Variants in CFAP299 observed in about 807,000 individuals in gnomAD.
CFAP299 encodes the protein cilia- and flagella-associated protein 299.
Under a neutral mutation model 27.0 loss-of-function variants are expected in CFAP299, and 21 were observed. The ratio of observed to expected loss-of-function variants is 0.78; its 90% CI spans 0.55 to 1.12. CFAP299 has a LOEUF of 1.12. CFAP299 is among the 50% of genes most tolerant of loss of function. The probability of loss-of-function intolerance (pLI) is 0.00; values close to 1 mark genes in which losing one functional copy is unlikely to be tolerated. For synonymous variants in CFAP299, 104 were observed against 98.1 expected (o/e 1.06, Z -0.36); for missense variants, 310 against 276.6 (o/e 1.12, Z -0.86).
chr4:80,406,492 G>A (rs1341735445), intron 2 of CFAP299, among the ~76,000 whole-genome samples: 1 of 152,124 alleles, frequency 6.6e-6, no homozygotes, highest in Non-Finnish European at 1.5e-5. Flanking sequence ...AGCCACCAAA[G>A]TAGCTGGGAC....
intron 3 of CFAP299, among the ~76,000 whole-genome samples, chr4:80,642,786 A>T (rs917998194): frequency 6.6e-6 from 1 of 151,938 alleles, no homozygotes; most frequent in African/African-American, 2.4e-5. Flanking sequence ...AAAGTAAAAA[A>T]TTTTTTTCAG....
chr4:80,552,730 C>G (rs988366983), intron 2 of CFAP299, among the ~76,000 whole-genome samples: 1 of 152,162 alleles, frequency 6.6e-6, no homozygotes, highest in Non-Finnish European at 1.5e-5. Flanking sequence ...CTCTGTCACT[C>G]AGGCTAGAGC....
At chr4:80,927,382 A>G (rs960935218) in intron 4 of CFAP299, among the ~76,000 whole-genome samples, 8 of 152,064 alleles carry the variant, frequency 5.3e-5, no homozygotes, top group African/African-American at 1.9e-4. Context: ...TTCCTCTTCA[A>G]CATGCTCCCT....
chr4:80,512,028 C>T lies in CFAP299; in HGVS notation c.243-71065C>T, dbSNP rs544394379. Among the ~76,000 whole-genome samples, 88 of 151,988 alleles carry T rather than the reference C, an allele frequency of 5.8e-4. 1 individual carries two copies. Among genetic ancestry groups the T allele is most frequent in the African/African-American group, 2.0e-3 (82 of 41,436 alleles). The stretch of plus-strand genomic sequence containing the variant: ...TTTTTTTAAACAAGGGTCTCCTGGC[C>T]CCCGCCTTAAATGCTTTCAGTAACT... On this transcript the variant is annotated intron_variant, in intron 2 of 5. Coordinates refer to ENST00000358105, the MANE Select transcript of CFAP299 (RefSeq NM_152770.3).
At position 80,367,377 on chromosome 4, in the gene CFAP299, G is replaced by T. The variant is rs760056871; in HGVS notation, c.242+4493G>T. Among the ~76,000 whole-genome samples, 21 of 152,274 alleles carry T rather than the reference G, an allele frequency of 1.4e-4. No homozygotes were observed. In the Middle Eastern group the frequency reaches 0.014, roughly 99 times the overall value. On this transcript the variant is annotated intron_variant, in intron 2 of 5. Transcript: ENST00000358105. ...ATTGATTCTTAAAGGCTCAATTAGAGTTAATCAGGCAAAGAGTGGTGTGAG... is the reference window on the plus strand; with the variant it reads ...ATTGATTCTTAAAGGCTCAATTAGATTTAATCAGGCAAAGAGTGGTGTGAG...
At chr4:80,699,269 A>G (rs1436178496) in intron 3 of CFAP299, among the ~76,000 whole-genome samples, 1 of 152,110 alleles carries the variant, frequency 6.6e-6, no homozygotes, top group Non-Finnish European at 1.5e-5. Flanking sequence ...CACTTGCTTT[A>G]TTGGGCATAG....
At chr4:80,395,643 T>C (rs1725739010) in intron 2 of CFAP299, among the ~76,000 whole-genome samples, 1 of 152,114 alleles carries the variant, frequency 6.6e-6, no homozygotes, top group Non-Finnish European at 1.5e-5. Context: ...GTTTAATGAG[T>C]CCTAACTTGA....
intron 5 of CFAP299, among the ~76,000 whole-genome samples, chr4:80,960,303 A>G (rs1451591092): frequency 6.6e-6 from 1 of 151,864 alleles, no homozygotes; most frequent in Non-Finnish European, 1.5e-5. Context: ...TGTCACTGCA[A>G]TTTTCAGGGG....
intron 3 of CFAP299, among the ~76,000 whole-genome samples, chr4:80,682,914 G>A (rs1719932602): frequency 6.6e-6 from 1 of 152,044 alleles, no homozygotes; most frequent in Admixed American, 6.6e-5. Context: ...TGAACAGATT[G>A]GTACCAAGCA....
intron 2 of CFAP299, chr4:80,387,050 G>C: frequency 1.4e-6 from 2 of 1,394,892 alleles, no homozygotes. Flanking sequence ...ACACCTTCTA[G>C]CAGTGTGGGC....
chr4:80,342,448 C>G (rs910162317), intron 1 of CFAP299, among the ~76,000 whole-genome samples: 6 of 152,106 alleles, frequency 3.9e-5, no homozygotes, highest in African/African-American at 1.4e-4. Flanking sequence ...AAAGGGAAAC[C>G]TATTAGACTG....
intron 3 of CFAP299, among the ~76,000 whole-genome samples, chr4:80,712,724 A>G (rs1722247313): frequency 6.6e-6 from 1 of 152,198 alleles, no homozygotes; most frequent in Non-Finnish European, 1.5e-5. Context: ...CTTCGATAAT[A>G]GCTGGATTAA....
At chr4:80,954,057 A>G (rs1027412137) in intron 5 of CFAP299, among the ~76,000 whole-genome samples, 1 of 152,214 alleles carries the variant, frequency 6.6e-6, no homozygotes, top group African/African-American at 2.4e-5. Flanking sequence ...TATTACCTCA[A>G]ATCAAGAAGT....
chr4:80,436,625 G>A (rs1728097243), intron 2 of CFAP299, among the ~76,000 whole-genome samples: 1 of 152,152 alleles, frequency 6.6e-6, no homozygotes, highest in Non-Finnish European at 1.5e-5. Flanking sequence ...TAAAAGTAAA[G>A]TGTATTGCCT....
chr4:80,660,101 G>GA (rs532275900), intron 3 of CFAP299, among the ~76,000 whole-genome samples: 182 of 152,120 alleles, frequency 1.2e-3, no homozygotes, highest in Middle Eastern at 6.8e-3. Flanking sequence ...TTCTTACTCA[G>GA]AAAAAAATTA....
chr4:80,548,453 G>A (rs2110206813), intron 2 of CFAP299, among the ~76,000 whole-genome samples: 1 of 152,220 alleles, frequency 6.6e-6, no homozygotes, highest in South Asian at 2.1e-4. Flanking sequence ...CGCTACCTTG[G>A]CGATGGGATT....
At chr4:80,629,513 TAGTC>T (rs1376150406) in intron 3 of CFAP299, among the ~76,000 whole-genome samples, 3 of 152,130 alleles carry the variant, frequency 2.0e-5, no homozygotes, top group Admixed American at 6.5e-5. Context: ...ATACATATGC[TAGTC>T]AGTCTGTCTG....
chr4:80,798,314 T>C (rs6820401), intron 3 of CFAP299, among the ~76,000 whole-genome samples: 40,914 of 151,822 alleles, frequency 0.27, 6,889 homozygotes, highest in African/African-American at 0.48. Flanking sequence ...TCTCCTCAGA[T>C]GAAAGTGGAA....
intron 4 of CFAP299, among the ~76,000 whole-genome samples, chr4:80,914,585 G>T (rs990463182): frequency 6.6e-6 from 1 of 152,152 alleles, no homozygotes; most frequent in African/African-American, 2.4e-5. Context: ...AACCACTAAT[G>T]TAGTGCTACA....
Sources: allele counts gnomAD v4.1 joint callset (sites outside exome capture counted in the v4.1 genomes callset), GRCh38; gene constraint gnomAD v4.1.1; transcripts MANE v1.5; gene names NCBI Gene and HGNC (gene_info 2026-07-23, HGNC 2026-07-21).